The following PRRG1 variants were observed in gnomAD, a reference collection of about 807,000 sequenced individuals.
PRRG1 encodes the protein transmembrane gamma-carboxyglutamic acid protein 1.
Under a neutral mutation model 11.8 loss-of-function variants are expected in PRRG1, and 5 were observed. The observed-to-expected ratio is 0.42, with a 90% CI of 0.22 to 0.89. PRRG1 has a LOEUF of 0.89. Among genes scored for constraint, PRRG1 ranks in the 40% least tolerant of loss-of-function variants. The pLI, the probability that PRRG1 is intolerant of heterozygous loss-of-function variation, is 0.28. For missense variants in PRRG1, 155 were observed against 166.1 expected, an observed-to-expected ratio of 0.93 and a Z score of 0.37; for synonymous variants, 66 against 60.4, an observed-to-expected ratio of 1.09 and a Z score of -0.43.
intron 1 of PRRG1, among the ~76,000 whole-genome samples, chrX:37,350,829 C>T (rs1298806103): frequency 9.0e-6 from 1 of 111,007 alleles, no homozygotes; most frequent in Non-Finnish European, 1.9e-5. Flanking sequence ...CTGCACCAAC[C>T]CCAGGCATGA....
intron 1 of PRRG1, among the ~76,000 whole-genome samples, chrX:37,357,850 C>T (rs887507115): frequency 1.8e-5 from 2 of 112,228 alleles, no homozygotes; most frequent in East Asian, 2.8e-4. Context: ...AGTAACTTAC[C>T]GCTTTTATTC....
chrX:37,426,738 A>AAT (rs782007172), intron 3 of PRRG1, among the ~76,000 whole-genome samples: 9 of 112,654 alleles, frequency 8.0e-5, no homozygotes, highest in Non-Finnish European at 1.5e-4. Flanking sequence ...TAGGGAAAAG[A>AAT]ATATATCATC....
In PRRG1 at chrX:37,453,630, ACTT is replaced by A. The variant is rs782554471; in HGVS notation, c.*13_*15del. On this transcript the variant is annotated 3_prime_UTR_variant, in exon 4 of 4. Coordinates refer to ENST00000378628, the MANE Select transcript of PRRG1 (RefSeq NM_001142395.2). ...TCACCACCATCAAATGAAGCTGCAA[ACTT>A]CTTTTTACTCTAATCATTTTTAAAA... The A allele has an allele frequency of 1.2e-5, 14 of 1,146,081 alleles. 1 individual carries two copies. Among genetic ancestry groups the A allele is most frequent in the Middle Eastern group, 4.9e-4 (2 of 4,070 alleles). The allele number at this position is 1,146,081 out of a possible 1,213,427, so 94.4% of individuals were successfully genotyped here.
chrX:37,368,819 CT>C (rs1324723423), intron 1 of PRRG1, among the ~76,000 whole-genome samples: 9 of 109,454 alleles, frequency 8.2e-5, no homozygotes, highest in South Asian at 7.6e-4. Context: ...TCTAGCTATT[CT>C]TTTTTTTGTA....
At chrX:37,394,457 T>C (rs782642749) in intron 1 of PRRG1, among the ~76,000 whole-genome samples, 11 of 111,671 alleles carry the variant, frequency 9.9e-5, no homozygotes, top group Non-Finnish European at 1.1e-4. Flanking sequence ...TGGCAAAGCC[T>C]TAAGGAGAGT....
At chrX:37,420,766 G>T (rs1329450916) in intron 2 of PRRG1, among the ~76,000 whole-genome samples, 1 of 110,659 alleles carries the variant, frequency 9.0e-6, no homozygotes, top group African/African-American at 3.3e-5. Context: ...GGAGACTAAG[G>T]TGGAAGGGTC....
chrX:37,449,017 C>G (rs948306447), intron 3 of PRRG1, among the ~76,000 whole-genome samples: 51 of 111,355 alleles, frequency 4.6e-4, no homozygotes, highest in Admixed American at 3.9e-3. Flanking sequence ...AGAAATTGAC[C>G]CAAAGATGTT....
At chrX:37,377,412 TAG>T (rs1173776445) in intron 1 of PRRG1, among the ~76,000 whole-genome samples, 2 of 112,123 alleles carry the variant, frequency 1.8e-5, no homozygotes, top group Non-Finnish European at 3.8e-5. Flanking sequence ...AGGAGGCTTA[TAG>T]AGAGTCTCAA....
At chrX:37,365,976 C>T (rs1410986185) in intron 1 of PRRG1, among the ~76,000 whole-genome samples, 2 of 112,161 alleles carry the variant, frequency 1.8e-5, no homozygotes, top group African/African-American at 3.2e-5. Context: ...CTGTTCAAAA[C>T]TTTATGCTTA....
At chrX:37,451,749 A>C (rs1556396615) in intron 3 of PRRG1, among the ~76,000 whole-genome samples, 2 of 112,311 alleles carry the variant, frequency 1.8e-5, no homozygotes, top group Non-Finnish European at 3.8e-5. Context: ...GACCTCATTC[A>C]GGAGTCATTT....
intron 3 of PRRG1, among the ~76,000 whole-genome samples, chrX:37,428,891 G>A (rs1932799464): frequency 2.7e-5 from 3 of 112,804 alleles, no homozygotes; most frequent in South Asian, 3.6e-4. Flanking sequence ...TCTAGGCAGG[G>A]ATTCCCAAAC....
chrX:37,385,948 A>G (rs112127481), intron 1 of PRRG1, among the ~76,000 whole-genome samples: 1,461 of 109,715 alleles, frequency 0.013, 31 homozygotes, highest in African/African-American at 0.045. Context: ...TTTAGTAGAG[A>G]TGGGGTTTTG....
Position 37,453,965 on chromosome X carries a change from C to G in PRRG1, c.*344C>G, listed in dbSNP as rs1556397571. ...AACTGTCTTAAAAATCCATTAACTTCTACCTAAATCACCTGGAAGGAGAGC... is the reference window on the plus strand; with the variant it reads ...AACTGTCTTAAAAATCCATTAACTTGTACCTAAATCACCTGGAAGGAGAGC... On this transcript the variant is annotated 3_prime_UTR_variant, in exon 4 of 4. Transcript: ENST00000378628. 7.9e-6 allele frequency: 1 copy of G among 126,504 alleles called. No individual in the cohort carries two copies. The highest frequency in any genetic ancestry group is 3.2e-5 in the African/African-American group (1 of 31,477). The allele number at this position is 126,504 out of a possible 1,213,427, so 10.4% of individuals were successfully genotyped here. A position where few individuals can be genotyped will look rare whatever the true frequency, so the allele number is the denominator to read the frequency against.
At chrX:37,403,052 C>T (rs1310627885) in intron 1 of PRRG1, among the ~76,000 whole-genome samples, 2 of 109,757 alleles carry the variant, frequency 1.8e-5, no homozygotes, top group African/African-American at 6.7e-5. Flanking sequence ...CTAGTTCAAC[C>T]ATTGTGGAAG....
intron 3 of PRRG1, among the ~76,000 whole-genome samples, chrX:37,426,912 CAT>C (rs782428278): frequency 2.7e-5 from 3 of 111,549 alleles, no homozygotes; most frequent in South Asian, 7.5e-4. Flanking sequence ...AATGTAGTAA[CAT>C]AAAATCACTT....
chrX:37,453,635 T>G lies in PRRG1; in HGVS notation c.*14T>G. On this transcript the variant is annotated 3_prime_UTR_variant, in exon 4 of 4. Coordinates refer to ENST00000378628, the MANE Select transcript of PRRG1 (RefSeq NM_001142395.2). ...ACCATCAAATGAAGCTGCAAACTTC[T>G]TTTTACTCTAATCATTTTTAAAATA... 6.1e-6 allele frequency: 7 copies of G among 1,145,232 alleles called. No homozygotes were observed. Among genetic ancestry groups the G allele is most frequent in the Non-Finnish European group, 8.1e-6 (7 of 863,083 alleles). 94.4% of individuals were successfully genotyped at this position (1,145,232 alleles called of 1,213,427 possible).
At position 37,454,564 on chromosome X, in the gene PRRG1, G is replaced by GTT. The variant is rs1556397830; in HGVS notation, c.*945_*946dup. 3 of 112,066 alleles carry GTT rather than the reference G, an allele frequency of 2.7e-5. No individual in the cohort carries two copies. The highest frequency in any genetic ancestry group is 5.6e-5 in the Non-Finnish European group (3 of 53,236). The allele number at this position is 112,066 out of a possible 1,213,427, so 9.2% of individuals were successfully genotyped here. On this transcript the variant is annotated 3_prime_UTR_variant, in exon 4 of 4. Transcript: ENST00000378628. ...CCACAGAATTTTCAAGCCCTTAAGA[G>GTT]TTTAGTTAAAATAAAATTTTTGAAA...
At chrX:37,364,072 T>A (rs1930494689) in intron 1 of PRRG1, among the ~76,000 whole-genome samples, 1 of 111,495 alleles carries the variant, frequency 9.0e-6, no homozygotes. Flanking sequence ...GACTTCTGGA[T>A]CCTGGGTATA....
intron 1 of PRRG1, among the ~76,000 whole-genome samples, chrX:37,351,452 G>C (rs1174074357): frequency 6.6e-5 from 7 of 105,314 alleles, no homozygotes; most frequent in Non-Finnish European, 1.4e-4. Context: ...CTGAGATCGC[G>C]CCACTGCACT....
Sources: allele counts gnomAD v4.1 joint callset (sites outside exome capture counted in the v4.1 genomes callset), GRCh38; gene constraint gnomAD v4.1.1; transcripts MANE v1.5; gene names NCBI Gene and HGNC (gene_info 2026-07-23, HGNC 2026-07-21).